CDH4: variants seen among roughly 807,000 people sequenced by gnomAD.
CDH4 encodes cadherin 4.
CDH4 carries 33 observed loss-of-function variants against 86.0 expected under a neutral mutation model. The ratio of observed to expected loss-of-function variants is 0.38; its 90% CI spans 0.29 to 0.51. The LOEUF (loss-of-function observed/expected upper bound fraction) is 0.51. Among genes scored for constraint, CDH4 ranks in the 20% least tolerant of loss-of-function variants. The pLI, the probability that CDH4 is intolerant of heterozygous loss-of-function variation, is 0.86. For missense variants in CDH4, 1,114 were observed against 1,307.4 expected (o/e 0.85, Z 2.28); for synonymous variants, 555 against 549.4 (o/e 1.01, Z -0.14).
intron 7 of CDH4, among the ~76,000 whole-genome samples, chr20:61,883,695 C>G (rs1425300755): frequency 6.6e-6 from 1 of 152,314 alleles, no homozygotes; most frequent in South Asian, 2.1e-4. Flanking sequence ...GTGTTCTCCT[C>G]TATGACCCAG....
intron 4 of CDH4, among the ~76,000 whole-genome samples, chr20:61,794,952 C>T (rs1979445390): frequency 6.6e-6 from 1 of 151,696 alleles, no homozygotes; most frequent in South Asian, 2.1e-4. Context: ...TAATGTTTGT[C>T]AGAGTTTTCT....
Position 61,516,388 on chromosome 20 carries a change from C to T in CDH4, c.170-227175C>T, listed in dbSNP as rs574639893. Among the ~76,000 whole-genome samples, 16 of 152,278 alleles carry T rather than the reference C, an allele frequency of 1.1e-4. No individual in the cohort carries two copies. Among genetic ancestry groups the T allele is most frequent in the South Asian group, 2.1e-4 (1 of 4,820 alleles). ...ACACACATACAGAGCCCCCGTCGGA[C>T]GCTGCATGAGCTCATGTGCATCACC... On this transcript the variant is annotated intron_variant, in intron 2 of 15. Coordinates refer to ENST00000614565, the MANE Select transcript of CDH4 (RefSeq NM_001794.5). This position sits in a 1 kb window ranked among gnomAD's most constrained non-coding sequence, Gnocchi z 4.0.
chr20:61,424,052 T>C (rs186642847), intron 2 of CDH4, among the ~76,000 whole-genome samples: 159 of 151,740 alleles, frequency 1.0e-3, no homozygotes, highest in Middle Eastern at 0.01. Flanking sequence ...CACACACTCA[T>C]ATATACATAC....
At chr20:61,260,979 G>T (rs1049393442) in intron 2 of CDH4, among the ~76,000 whole-genome samples, 4 of 152,212 alleles carry the variant, frequency 2.6e-5, no homozygotes, top group Non-Finnish European at 4.4e-5. Context: ...CTGAGAGAGG[G>T]TCCTGGTAGC....
intron 2 of CDH4, among the ~76,000 whole-genome samples, chr20:61,478,986 G>C (rs1447235819): frequency 1.3e-5 from 2 of 150,236 alleles, no homozygotes; most frequent in Non-Finnish European, 3.0e-5. Flanking sequence ...GCTGGATCTT[G>C]AATTTTAGGC....
chr20:61,897,031 A>G (rs1174090613), intron 8 of CDH4, among the ~76,000 whole-genome samples: 1 of 152,198 alleles, frequency 6.6e-6, no homozygotes, highest in Non-Finnish European at 1.5e-5. Context: ...CCTGACCTGC[A>G]CATGCTCTGA....
intron 2 of CDH4, among the ~76,000 whole-genome samples, chr20:61,405,829 C>T (rs1156338600): frequency 1.3e-5 from 2 of 152,034 alleles, no homozygotes; most frequent in Non-Finnish European, 1.5e-5. Flanking sequence ...TACAGGCGCC[C>T]GCCATCACGC....
In CDH4 at chr20:61,578,198, G is replaced by A. The variant is rs563623198; in HGVS notation, c.170-165365G>A. ...TTACCTGTATGATCCACCCCTGTTG[G>A]TGAAGAGAGAGGTCCTTTTACCCAC... On this transcript the variant is annotated intron_variant, in intron 2 of 15. Transcript: ENST00000614565. Among the ~76,000 whole-genome samples, 14 of 152,348 alleles carry A rather than the reference G, an allele frequency of 9.2e-5. No homozygotes were observed. The East Asian group carries it at 2.7e-3, about 29-fold the overall frequency.
chr20:61,342,365 C>T (rs1233374803), intron 2 of CDH4, among the ~76,000 whole-genome samples: 1 of 152,192 alleles, frequency 6.6e-6, no homozygotes, highest in Non-Finnish European at 1.5e-5. Flanking sequence ...AGCTTGTTTT[C>T]CTGCAACCAA....
intron 2 of CDH4, among the ~76,000 whole-genome samples, chr20:61,408,890 C>T (rs928330285): frequency 6.6e-6 from 1 of 152,208 alleles, no homozygotes; most frequent in African/African-American, 2.4e-5. Flanking sequence ...AGCCAGATGG[C>T]CACGGGGTCA....
chr20:61,328,300 C>T (rs1056309541), intron 2 of CDH4, among the ~76,000 whole-genome samples: 2 of 152,056 alleles, frequency 1.3e-5, no homozygotes, highest in Non-Finnish European at 2.9e-5. Context: ...CTCAGCCTCC[C>T]GAGTAGCTAG....
intron 2 of CDH4, among the ~76,000 whole-genome samples, chr20:61,373,891 C>CA (rs2145437227): frequency 6.6e-6 from 1 of 152,282 alleles, no homozygotes; most frequent in African/African-American, 2.4e-5. Flanking sequence ...TCTGAGGACT[C>CA]AGTCACATTA....
At chr20:61,843,028 G>A (rs1232151245) in intron 4 of CDH4, among the ~76,000 whole-genome samples, 1 of 152,164 alleles carries the variant, frequency 6.6e-6, no homozygotes, top group Non-Finnish European at 1.5e-5. Context: ...TTTCTAAAAG[G>A]TCTTTTTTCA....
rs111260805 is a variant in CDH4 at position 61,547,713 on chromosome 20, G to A, written c.170-195850G>A. Among the ~76,000 whole-genome samples, 586 of 152,330 alleles carry A rather than the reference G, an allele frequency of 3.8e-3. 5 individuals are homozygous for A. Among genetic ancestry groups the A allele is most frequent in the African/African-American group, 0.013 (557 of 41,580 alleles). On this transcript the variant is annotated intron_variant, in intron 2 of 15. Coordinates refer to ENST00000614565, the MANE Select transcript of CDH4 (RefSeq NM_001794.5). ...GCTCCTGCCCCTGCAGACAGCGCAGGAGCAGCCTTTTCCCACCTGAGGCTG... is the reference window on the plus strand; with the variant it reads ...GCTCCTGCCCCTGCAGACAGCGCAGAAGCAGCCTTTTCCCACCTGAGGCTG...
At chr20:61,847,398 C>T (rs1308265980) in intron 5 of CDH4, among the ~76,000 whole-genome samples, 1 of 152,158 alleles carries the variant, frequency 6.6e-6, no homozygotes. Context: ...ATCTGGGTCA[C>T]CCACCCCTCT....
At chr20:61,910,155 T>C (rs1200488230) in intron 8 of CDH4, among the ~76,000 whole-genome samples, 1 of 152,174 alleles carries the variant, frequency 6.6e-6, no homozygotes, top group African/African-American at 2.4e-5. Flanking sequence ...CGGTGTGCTC[T>C]GTTTGTGAAC....
rs114567907 is a variant in CDH4 at position 61,682,057 on chromosome 20, C to T, written c.170-61506C>T. ...ATCCTGCTAAGCGTCTGCCTCCATTCTGGGTCCTGGCTTCTGGGCCAGTCC... is the reference window on the plus strand; with the variant it reads ...ATCCTGCTAAGCGTCTGCCTCCATTTTGGGTCCTGGCTTCTGGGCCAGTCC... On this transcript the variant is annotated intron_variant, in intron 2 of 15. Transcript: ENST00000614565. 8.8e-3 allele frequency among the ~76,000 whole-genome samples: 1,341 copies of T among 152,318 alleles called. 24 individuals carry two copies. The highest frequency in any genetic ancestry group is 0.026 in the African/African-American group (1,099 of 41,568).
chr20:61,500,541 A>C (rs1254279907), intron 2 of CDH4, among the ~76,000 whole-genome samples: 1 of 152,152 alleles, frequency 6.6e-6, no homozygotes, highest in African/African-American at 2.4e-5. Context: ...AACCAGGTAT[A>C]TTTGTTGTGC....
At chr20:61,599,951 C>T in intron 2 of CDH4, 1 of 985,566 alleles carries the variant, frequency 1.0e-6, no homozygotes, top group Non-Finnish European at 1.2e-6. Flanking sequence ...GGAACGGCCT[C>T]TCCACAGAGA....
Sources: gnomAD v4.1 joint callset for allele counts (sites outside exome capture counted in the v4.1 genomes callset) on GRCh38, gnomAD v4.1.1 for gene constraint, Gnocchi (gnomAD v3.1) non-coding constraint, MANE v1.5 for transcripts, NCBI Gene and HGNC (gene_info 2026-07-23, HGNC 2026-07-21) for gene names.